The following NRG1 variants were observed in gnomAD, a reference collection of about 807,000 sequenced individuals.
NRG1 encodes the protein neuregulin 1.
NRG1 carries 18 observed loss-of-function variants against 63.8 expected under a neutral mutation model. The ratio of observed to expected loss-of-function variants is 0.28; its 90% confidence interval spans 0.19 to 0.42. The LOEUF (loss-of-function observed/expected upper bound fraction) is 0.42. Ranked by LOEUF, NRG1 falls within the 10% of genes least tolerant of loss-of-function variation. NRG1 has a pLI of 1.00. For missense variants in NRG1, 762 were observed against 814.7 expected (o/e 0.94, Z 0.79); for synonymous variants, 302 against 301.3 (o/e 1.00, Z -0.02).
rs550645346 is a variant in NRG1 at position 31,946,219 on chromosome 8, T to C, written c.37+306788T>C. Among the ~76,000 whole-genome samples, 3 of 152,352 alleles carry C rather than the reference T, an allele frequency of 2.0e-5. No homozygotes were observed. The East Asian group carries it at 5.8e-4, about 29-fold the overall frequency. ...TCCCAGTTTTATTGACAGTTTTCAT[T>C]ATCTTCTAGATTGCAGAAGCTATAT... On this transcript the variant is annotated intron_variant, in intron 1 of 10. Coordinates refer to the NRG1 transcript ENST00000519301.
chr8:31,798,539 A>G (rs1027439128), intron 1 of NRG1, among the ~76,000 whole-genome samples: 1 of 152,224 alleles, frequency 6.6e-6, no homozygotes, highest in African/African-American at 2.4e-5. Flanking sequence ...ACCTCCTTTC[A>G]GAGGCTGAAG....
chr8:31,695,537 A>C (rs1419119998), intron 1 of NRG1, among the ~76,000 whole-genome samples: 2 of 152,136 alleles, frequency 1.3e-5, no homozygotes, highest in South Asian at 2.1e-4. Context: ...AAGAACAACA[A>C]GGGGGAAATC....
chr8:32,417,780 G>A (rs748805980), intron 1 of NRG1, among the ~76,000 whole-genome samples: 2 of 152,116 alleles, frequency 1.3e-5, no homozygotes, highest in Non-Finnish European at 2.9e-5. Flanking sequence ...TTTAGCTTAA[G>A]AGTTAAATTT....
chr8:32,322,853 A>G (rs1036469164), intron 1 of NRG1, among the ~76,000 whole-genome samples: 3 of 112,492 alleles, frequency 2.7e-5, no homozygotes, highest in African/African-American at 6.5e-5. Flanking sequence ...TATAATAGCA[A>G]TTCTCTGGGT....
chr8:32,073,686 T>C (rs999648370), intron 1 of NRG1, among the ~76,000 whole-genome samples: 3 of 152,192 alleles, frequency 2.0e-5, no homozygotes, highest in African/African-American at 7.2e-5. Context: ...GCTGCATCTA[T>C]GCACTTCCAC....
intron 2 of NRG1, among the ~76,000 whole-genome samples, chr8:32,599,763 C>T (rs1416453103): frequency 2.0e-5 from 3 of 152,130 alleles, no homozygotes; most frequent in African/African-American, 7.2e-5. Flanking sequence ...AATACCTGTT[C>T]TATCTTAGCT....
chr8:32,388,667 C>T (rs113954834), intron 1 of NRG1, among the ~76,000 whole-genome samples: 6 of 131,614 alleles, frequency 4.6e-5, no homozygotes, highest in Admixed American at 7.5e-5. Flanking sequence ...TTTTTTTTTT[C>T]GTCTCAAAAA....
At chr8:32,714,708 G>C (rs1818718873) in intron 5 of NRG1, among the ~76,000 whole-genome samples, 1 of 152,152 alleles carries the variant, frequency 6.6e-6, no homozygotes, top group Non-Finnish European at 1.5e-5. Flanking sequence ...TTCAGTCACT[G>C]GGTGACAGGA....
intron 1 of NRG1, among the ~76,000 whole-genome samples, chr8:31,691,338 T>A (rs1809479854): frequency 1.3e-5 from 2 of 152,150 alleles, no homozygotes; most frequent in African/African-American, 4.8e-5. Context: ...CCGGGCGCGG[T>A]GGCTCACGCC....
At chr8:32,602,869 A>G (rs1213938804) in intron 2 of NRG1, among the ~76,000 whole-genome samples, 1 of 152,168 alleles carries the variant, frequency 6.6e-6, no homozygotes, top group Non-Finnish European at 1.5e-5. Flanking sequence ...TATATAGCTG[A>G]TAATCCATTT....
chr8:32,658,340 T>C (rs1461697705), intron 5 of NRG1, among the ~76,000 whole-genome samples: 1 of 152,242 alleles, frequency 6.6e-6, no homozygotes, highest in South Asian at 2.1e-4. Flanking sequence ...ACAATACTAG[T>C]GACTACTGTC....
chr8:32,071,958 T>G (rs1487772753), intron 1 of NRG1, among the ~76,000 whole-genome samples: 1 of 152,102 alleles, frequency 6.6e-6, no homozygotes, highest in African/African-American at 2.4e-5. Context: ...ATGAGGACAT[T>G]GCTAGCTTAA....
intron 1 of NRG1, among the ~76,000 whole-genome samples, chr8:31,898,371 CAGAG>C (rs768287660): frequency 1.3e-5 from 2 of 152,104 alleles, no homozygotes; most frequent in Non-Finnish European, 2.9e-5. Context: ...GTGTAATTCT[CAGAG>C]TAATTCCCAT....
intron 5 of NRG1, among the ~76,000 whole-genome samples, chr8:32,718,644 C>A (rs778480114): frequency 9.9e-5 from 15 of 152,124 alleles, no homozygotes; most frequent in Non-Finnish European, 2.1e-4. Flanking sequence ...TATTTATAAT[C>A]CATGTCCTAG....
At chr8:32,772,280 G>T (rs1265803031), downstream of NRG1, among the ~76,000 whole-genome samples, 1 of 151,150 alleles carries the variant, frequency 6.6e-6, no homozygotes, top group Non-Finnish European at 1.5e-5. Context: ...ATAATTTACG[G>T]ATTTAGCCTA....
chr8:32,577,074 T>C (rs557024483), intron 1 of NRG1, among the ~76,000 whole-genome samples: 126 of 152,276 alleles, frequency 8.3e-4, no homozygotes, highest in Non-Finnish European at 1.5e-3. Context: ...CATGGAGTAT[T>C]TGGTTTTCTG....
chr8:32,667,397 A>C (rs867906199), intron 5 of NRG1, among the ~76,000 whole-genome samples: 1 of 152,124 alleles, frequency 6.6e-6, no homozygotes. Context: ...CCACCTCTTA[A>C]CCGGTTAATA....
chr8:32,672,061 T>C (rs867818458), intron 5 of NRG1, among the ~76,000 whole-genome samples: 2 of 152,084 alleles, frequency 1.3e-5, no homozygotes, highest in Admixed American at 6.5e-5. Flanking sequence ...CTTTTTTTTT[T>C]TTTGAGACAG....
rs761216100 is a variant in NRG1, at chr8:32,742,058, A to G, written c.633-617A>G. ...AGATGTACTGAGAATGTGCCCATGAAAGTCCAAAACCAAGAAAGTATGTCA... is the reference window on the plus strand; with the variant it reads ...AGATGTACTGAGAATGTGCCCATGAGAGTCCAAAACCAAGAAAGTATGTCA... On this transcript the variant is annotated intron_variant, in intron 6 of 11. Coordinates refer to ENST00000356819, the Ensembl canonical transcript of NRG1. This position sits in a 1 kb window ranked among gnomAD's most constrained non-coding sequence, Gnocchi z 4.2. The G allele has an allele frequency of 1.2e-5, 19 of 1,613,512 alleles. No homozygotes were observed. In the South Asian group the frequency reaches 2.0e-4, roughly 17 times the overall value.
Sources: allele counts gnomAD v4.1 joint callset (sites outside exome capture counted in the v4.1 genomes callset), GRCh38; gene constraint gnomAD v4.1.1; non-coding constraint Gnocchi (gnomAD v3.1); transcripts MANE v1.5; gene names NCBI Gene and HGNC (gene_info 2026-07-23, HGNC 2026-07-21).